Variants in PIAS1 observed in about 807,000 individuals in gnomAD.
The protein encoded by PIAS1 is protein inhibitor of activated STAT 1.
A neutral mutation model predicts 71.3 loss-of-function variants in PIAS1; 6 were observed. The observed-to-expected ratio is 0.08, with a 90% CI of 0.05 to 0.17. PIAS1 has a LOEUF of 0.17. PIAS1 is among the 10% of genes least tolerant of loss of function. The pLI, the probability that PIAS1 is intolerant of heterozygous loss-of-function variation, is 1.00. For synonymous variants in PIAS1, 303 were observed against 292.9 expected, an observed-to-expected ratio of 1.03 and a Z score of -0.35; for missense variants, 555 against 793.6, an observed-to-expected ratio of 0.70 and a Z score of 3.61.
At chr15:68,066,037 G>A (rs2092020784) in intron 1 of PIAS1, among the ~76,000 whole-genome samples, 1 of 145,452 alleles carries the variant, frequency 6.9e-6, no homozygotes, top group Non-Finnish European at 1.5e-5. Context: ...TCAAGGTGTT[G>A]AGCCACTGCA....
chr15:68,173,903 TTAAG>T lies in PIAS1; in HGVS notation c.1169+13_1169+16del. ...CCTTATTATTGATGGGTATGTTACT[TTAAG>T]TGTTTTTGGTACCTTGAAATGACCA... On this transcript the variant is annotated intron_variant, in intron 9 of 13. Transcript: ENST00000249636. This position sits in a 1 kb window ranked among gnomAD's most constrained non-coding sequence, Gnocchi z 4.3. 6.8e-7 allele frequency: 1 copy of T among 1,472,068 alleles called. No individual in the cohort carries two copies. Among genetic ancestry groups the T allele is most frequent in the Non-Finnish European group, 9.1e-7 (1 of 1,094,274 alleles). The allele number at this position is 1,472,068 out of a possible 1,614,324, so 91.2% of individuals were successfully genotyped here.
rs879863266 is a variant in PIAS1, at chr15:68,128,582, A to AT, written c.470-13364_470-13363insT. On this transcript the variant is annotated intron_variant, in intron 2 of 13. Transcript: ENST00000249636. ...ATTTGAGAATTCTGATCTAAAAAAA[A>AT]ATTTTTTTTGGAACAAATGAGAAAA... Among the ~76,000 whole-genome samples the AT allele has an allele frequency of 2.4e-3, 361 of 152,272 alleles. 1 individual carries two copies. The highest frequency in any genetic ancestry group is 3.8e-3 in the Non-Finnish European group (261 of 68,006).
chr15:68,081,729 ATAGAG>A (rs983939768), intron 1 of PIAS1, among the ~76,000 whole-genome samples: 4 of 152,090 alleles, frequency 2.6e-5, no homozygotes, highest in African/African-American at 4.8e-5. Flanking sequence ...GAAAAAGAAA[ATAGAG>A]TAAAGGAAAA....
intron 4 of PIAS1, among the ~76,000 whole-genome samples, chr15:68,144,843 A>G (rs992415546): frequency 2.0e-5 from 3 of 152,184 alleles, no homozygotes; most frequent in Admixed American, 2.0e-4. Flanking sequence ...TAATTTACAT[A>G]TAAAATTGTT....
chr15:68,117,924 T>G (rs551169202), intron 2 of PIAS1, among the ~76,000 whole-genome samples: 18 of 152,316 alleles, frequency 1.2e-4, no homozygotes, highest in African/African-American at 4.3e-4. Flanking sequence ...TTGAGAAACC[T>G]CCATACTGTT....
chr15:68,148,250 A>T (rs1295116343), intron 6 of PIAS1, among the ~76,000 whole-genome samples: 1 of 152,108 alleles, frequency 6.6e-6, no homozygotes, highest in Non-Finnish European at 1.5e-5. Flanking sequence ...GGTTCAGAGG[A>T]AACTACCCAC....
chr15:68,125,992 C>T (rs568073020), intron 2 of PIAS1, among the ~76,000 whole-genome samples: 103 of 152,096 alleles, frequency 6.8e-4, no homozygotes, highest in Admixed American at 2.7e-3. Flanking sequence ...AGCCACTGCG[C>T]CCCAGACCAG....
intron 1 of PIAS1, among the ~76,000 whole-genome samples, chr15:68,068,882 A>G (rs1441202474): frequency 1.4e-5 from 2 of 144,724 alleles, no homozygotes; most frequent in Admixed American, 7.4e-5. Flanking sequence ...TACACCTTAA[A>G]TGTTTTTGTC....
In PIAS1 at chr15:68,171,581, C is replaced by A. The variant is rs2092992035; in HGVS notation, c.1009-2151C>A. On this transcript the variant is annotated intron_variant, in intron 8 of 13. Coordinates refer to ENST00000249636, the MANE Select transcript of PIAS1 (RefSeq NM_016166.3). The surrounding 1 kb of genome is among the most constrained non-coding windows in gnomAD (Gnocchi z 4.4). ...GTCCCTCCAGGTTATACTTCTGATA[C>A]TGTAAACTGGCATTGCTCTAGTCTC... Among the ~76,000 whole-genome samples, 1 of 152,168 alleles carries A rather than the reference C, an allele frequency of 6.6e-6. No individual in the cohort carries two copies. The highest frequency in any genetic ancestry group is 6.5e-5 in the Admixed American group (1 of 15,274).
chr15:68,068,601 T>C (rs940721695), intron 1 of PIAS1, among the ~76,000 whole-genome samples: 1 of 151,740 alleles, frequency 6.6e-6, no homozygotes, highest in South Asian at 2.1e-4. Flanking sequence ...TACGGGTGTC[T>C]GCCACCATGC....
intron 2 of PIAS1, among the ~76,000 whole-genome samples, chr15:68,118,723 A>G (rs1332967513): frequency 6.6e-6 from 1 of 152,132 alleles, no homozygotes; most frequent in Non-Finnish European, 1.5e-5. Context: ...CATTTCCCTT[A>G]TTATTAGTGA....
At chr15:68,084,644 T>A (rs2092262402) in intron 1 of PIAS1, among the ~76,000 whole-genome samples, 1 of 152,208 alleles carries the variant, frequency 6.6e-6, no homozygotes, top group African/African-American at 2.4e-5. Flanking sequence ...TCTTCTGGTG[T>A]CCTTTCTTAC....
In PIAS1 at chr15:68,189,386, A is replaced by G. The variant is rs940089027; in HGVS notation, c.*1551A>G. 1 of 152,296 alleles carries G rather than the reference A, an allele frequency of 6.6e-6. No individual in the cohort carries two copies. The highest frequency in any genetic ancestry group is 2.1e-4 in the South Asian group (1 of 4,832). 9.4% of individuals were successfully genotyped at this position (152,296 alleles called of 1,614,324 possible). On this transcript the variant is annotated 3_prime_UTR_variant, in exon 14 of 14. Transcript: ENST00000249636. ...TTCCAGACTGGATTTTCCTACCGCA[A>G]CTATTAATGTTCTCAGAGTTGATGA...
chr15:68,057,656 A>C (rs530706580), intron 1 of PIAS1: 9 of 248,382 alleles, frequency 3.6e-5, no homozygotes, highest in South Asian at 3.5e-4. Context: ...CTTACGCTGT[A>C]ATTTGTCTGC....
intron 9 of PIAS1, among the ~76,000 whole-genome samples, 197 bp from the exon 10 acceptor site, chr15:68,175,440 A>C (rs973275624): frequency 1.3e-5 from 2 of 152,178 alleles, no homozygotes; most frequent in African/African-American, 2.4e-5. Flanking sequence ...ACTTTTTGTG[A>C]ACATTTTCCC....
rs1344929382 is a variant in PIAS1, at chr15:68,166,824, CTTTA to C, written c.1008+2028_1008+2031del. On this transcript the variant is annotated intron_variant, in intron 8 of 13. Transcript: ENST00000249636. ...ATTAATCACATTTTGCTCTTTGCACCTTTATTTATTTTCTTTTTTGAGACGGGGT... is the reference window on the plus strand; with the variant it reads ...ATTAATCACATTTTGCTCTTTGCACCTTTATTTTCTTTTTTGAGACGGGGT... Among the ~76,000 whole-genome samples the C allele has an allele frequency of 4.6e-5, 7 of 152,174 alleles. No homozygotes were observed. The South Asian group carries it at 6.2e-4, about 14-fold the overall frequency.
chr15:68,151,962 G>GTTTTTTT (rs1272581079), intron 6 of PIAS1, among the ~76,000 whole-genome samples: 18 of 85,032 alleles, frequency 2.1e-4, no homozygotes, highest in East Asian at 1.7e-3. Context: ...TTTTTTTTTG[G>GTTTTTTT]GGGGGGAGAC....
chr15:68,182,490 C>CATGTGTGTGTGTGTGT (rs142487547), intron 12 of PIAS1, among the ~76,000 whole-genome samples: 3 of 123,280 alleles, frequency 2.4e-5, no homozygotes, highest in African/African-American at 9.6e-5. Flanking sequence ...GCTCAGGCTG[C>CATGTGTGTGTGTGTGT]GTGTGTGTGT....
At chr15:68,150,322 G>T (rs1043396466) in intron 6 of PIAS1, among the ~76,000 whole-genome samples, 12 of 151,916 alleles carry the variant, frequency 7.9e-5, no homozygotes. Context: ...ACTAGAGGAG[G>T]GGGGAAATAC....
Sources: gnomAD v4.1 joint callset for allele counts (sites outside exome capture counted in the v4.1 genomes callset) on GRCh38, gnomAD v4.1.1 for gene constraint, Gnocchi (gnomAD v3.1) non-coding constraint, MANE v1.5 for transcripts, NCBI Gene and HGNC (gene_info 2026-07-23, HGNC 2026-07-21) for gene names.